The following ANKZF1 variants were observed in gnomAD, a reference collection of about 807,000 sequenced individuals.
The protein encoded by ANKZF1 is ankyrin repeat and zinc finger peptidyl tRNA hydrolase 1.
ANKZF1 carries 84 observed loss-of-function variants against 86.0 expected under a neutral mutation model. The observed-to-expected ratio is 0.98, with a 90% CI of 0.82 to 1.17. ANKZF1 has a LOEUF of 1.17. Ranked by LOEUF, ANKZF1 falls within the 50% of genes most tolerant of loss-of-function variation. ANKZF1 has a pLI of 0.00. For missense variants in ANKZF1, 893 were observed against 918.4 expected (o/e 0.97, Z 0.36); for synonymous variants, 331 against 354.2 (o/e 0.93, Z 0.74).
chr2:219,235,681 T>G, intron 11 of ANKZF1, 27 bp from the exon 12 acceptor site: 1 of 1,613,178 alleles, frequency 6.2e-7, no homozygotes, highest in South Asian at 1.1e-5. Context: ...AGATAACTTA[T>G]AGGGTCTTAT....
chr2:219,236,227 A>G, intron 13 of ANKZF1, 95 bp from the exon 14 acceptor site: 1 of 1,605,282 alleles, frequency 6.2e-7, no homozygotes, highest in Non-Finnish European at 8.5e-7. Flanking sequence ...CAGATGCTGC[A>G]GTGAAAACAG....
Position 219,232,002 on chromosome 2 carries a change from T to A in ANKZF1, c.223T>A (p.Ser75Thr). The change falls in exon 3 of 14, where the codon TCA becomes ACA. Residue 75 changes from serine to threonine, a missense_variant. Physicochemically the swap from Ser to Thr is moderately conservative, Grantham distance 58. Transcript: ENST00000323348. Reference sequence around the variant, plus strand: ...GGATATTTCAGAGAAGTTATTTTGTTCAACTTGTGACCAGACCTTCCAGAA... The same window carrying A: ...GGATATTTCAGAGAAGTTATTTTGTACAACTTGTGACCAGACCTTCCAGAA... ...PMDISEKLFCSTCDQTFQNHQ... is the reference protein window; with the variant it reads ...PMDISEKLFCTTCDQTFQNHQ... The A allele has an allele frequency of 6.2e-7, 1 of 1,613,110 alleles. No homozygotes were observed. Among genetic ancestry groups the A allele is most frequent in the Non-Finnish European group, 8.5e-7 (1 of 1,179,744 alleles).
chr2:219,231,871 C>T, intron 2 of ANKZF1, 57 bp from the exon 3 acceptor site: 1 of 1,380,968 alleles, frequency 7.2e-7, no homozygotes, highest in Non-Finnish European at 1.0e-6. Context: ...GAATATAATT[C>T]TTGTCACTGT....
In ANKZF1 at chr2:219,235,309, T is replaced by C. The variant is rs748502240; in HGVS notation, c.1688T>C (p.Val563Ala). The stretch of plus-strand genomic sequence containing the variant: ...CTGGAAGCAGGTGCTGACCCCACTG[T>C]GCAGTGAGTAAAGGTCCCCATCCTG... Reference protein sequence around the residue: ...LLLEAGADPTVQDSRARPPYT... With the variant: ...LLLEAGADPTAQDSRARPPYT... Residue 563 changes from valine to alanine, a missense_variant, in exon 10 of 14, where the codon GTG (valine) becomes GCG (alanine). By Grantham distance (64) the Val-to-Ala change is moderately conservative. Transcript: ENST00000323348. 2.2e-5 allele frequency: 35 copies of C among 1,609,926 alleles called. 1 individual carries two copies. The East Asian group carries it at 6.2e-4, about 29-fold the overall frequency.
chr2:219,232,148 C>A (rs1482355176), intron 3 of ANKZF1, 108 bp downstream of exon 3: 3 of 1,402,404 alleles, frequency 2.1e-6, no homozygotes, highest in Non-Finnish European at 3.0e-6. Flanking sequence ...TTGACTGAGG[C>A]AGTTGGTGTT....
chr2:219,234,090 TCTC>T (rs753935310), intron 8 of ANKZF1, 40 bp from the exon 9 acceptor site: 68 of 1,589,582 alleles, frequency 4.3e-5, no homozygotes, highest in Non-Finnish European at 5.1e-5. Context: ...TGCGCTAGCT[TCTC>T]CTCAGCTAAG....
rs747126410 is a variant in ANKZF1 at position 219,230,344 on chromosome 2, G to A, written c.87G>A (p.Leu29=). The change falls in exon 2 of 14, where the codon CTG becomes CTA. Residue 29 remains leucine (L), a synonymous_variant. Coordinates refer to ENST00000323348, the MANE Select transcript of ANKZF1 (RefSeq NM_018089.3). The part of the protein sequence containing the change: ...LSADAPVFQG[L]SLVSHAPGEA... ...CGGATGCTCCGGTCTTTCAGGGCCT[G>A]AGCCTGGTGAGCCACGCGCCTGGGG... The A allele has an allele frequency of 1.2e-6, 2 of 1,613,996 alleles. No homozygotes were observed. The highest frequency in any genetic ancestry group is 2.2e-5 in the East Asian group (1 of 44,862).
rs13007650 is a variant in ANKZF1, at chr2:219,231,956, A to C, written c.177A>C (p.Arg59Ser). 8.6e-3 allele frequency: 13,906 copies of C among 1,614,068 alleles called. 101 individuals are homozygous for C. Among genetic ancestry groups the C allele is most frequent in the South Asian group, 0.022 (1,996 of 91,058 alleles). ...SGSGERESPE[R>S]KLLQGPMDIS... ...CAGGGGAGAGAGAAAGCCCAGAAAG[A>C]AAGCTACTCCAGGGTCCTATGGATA... Residue 59 changes from arginine (R) to serine (S), a missense_variant, in exon 3 of 14, where the codon AGA becomes AGC. Arg to Ser is a moderately radical substitution (Grantham distance 110). Transcript: ENST00000323348.
rs1407041035 is a variant in ANKZF1 at position 219,230,365 on chromosome 2, T to C, written c.108T>C (p.Pro36=). Residue 36 remains proline (P), a synonymous_variant, in exon 2 of 14, where the codon CCT becomes CCC. Coordinates refer to ENST00000323348, the MANE Select transcript of ANKZF1 (RefSeq NM_018089.3). ...FQGLSLVSHA[P]GEALARAPRT... The stretch of plus-strand genomic sequence containing the variant: ...GCCTGAGCCTGGTGAGCCACGCGCC[T>C]GGGGAGGCTCTGGCCCGGGCTCCGC... The C allele has an allele frequency of 6.2e-7, 1 of 1,613,540 alleles. No individual in the cohort carries two copies. Among genetic ancestry groups the C allele is most frequent in the African/African-American group, 1.3e-5 (1 of 74,932 alleles).
Position 219,229,956 on chromosome 2 carries a change from T to G in ANKZF1, c.-31+56T>G. ...CGCGGGCCAGTTGTTGCTGGTCGCA[T>G]GGGTAACGAAGAAAGTTCGGCTAGG... On this transcript the variant is annotated intron_variant, in intron 1 of 13. Transcript: ENST00000323348. This position sits in a 1 kb window ranked among gnomAD's most constrained non-coding sequence, Gnocchi z 4.2. The G allele has an allele frequency of 3.2e-5, 9 of 277,176 alleles. No homozygotes were observed. The highest frequency in any genetic ancestry group is 1.5e-4 in the East Asian group (2 of 13,104). The allele number at this position is 277,176 out of a possible 1,614,324, so 17.2% of individuals were successfully genotyped here.
At chr2:219,235,376 T>G in intron 10 of ANKZF1, 64 bp downstream of exon 10, 1 of 1,595,454 alleles carries the variant, frequency 6.3e-7, no homozygotes, top group Non-Finnish European at 8.6e-7. Context: ...AGGTTAAAGT[T>G]GGCATTGGCT....
intron 2 of ANKZF1, 107 bp from the exon 3 acceptor site, chr2:219,231,821 A>G (rs545658555): frequency 2.8e-5 from 25 of 884,540 alleles, no homozygotes; most frequent in Non-Finnish European, 4.3e-5. Flanking sequence ...GTATCATGCC[A>G]TCTCTTTTGT....
At chr2:219,233,583 C>T (rs1016527717) in intron 7 of ANKZF1, 132 bp from the exon 8 acceptor site, 8 of 1,400,262 alleles carry the variant, frequency 5.7e-6, no homozygotes, top group Non-Finnish European at 7.7e-6. Flanking sequence ...CCCCAGGAGC[C>T]TTAGTCCTCT....
At position 219,235,838 on chromosome 2, in the gene ANKZF1, A is replaced by G. The variant is rs778680547; in HGVS notation, c.1934A>G (p.Glu645Gly). 6.8e-6 allele frequency: 11 copies of G among 1,614,072 alleles called. No individual in the cohort carries two copies. Among genetic ancestry groups the G allele is most frequent in the Admixed American group, 6.7e-5 (4 of 60,002 alleles). Residue 645 changes from glutamate (E) to glycine (G), a missense_variant, in exon 12 of 14, where the codon GAG becomes GGG. Physicochemically the swap from Glu to Gly is moderately conservative, Grantham distance 98. Transcript: ENST00000323348. Reference sequence around the variant, plus strand: ...GAGCAGGAGGAGCGTGAACGAGAAGAGCAGCGGCGATTTGCCGCCCTCAGT... The same window carrying G: ...GAGCAGGAGGAGCGTGAACGAGAAGGGCAGCGGCGATTTGCCGCCCTCAGT... Reference protein sequence around the residue: ...QQEQEEREREEQRRFAALSDR... With the variant: ...QQEQEEREREGQRRFAALSDR...
At chr2:219,231,381 TTTTA>T (rs1314180356) in intron 2 of ANKZF1, 2 of 188,440 alleles carry the variant, frequency 1.1e-5, no homozygotes, top group African/African-American at 4.7e-5. Flanking sequence ...TTTACATTCG[TTTTA>T]TTTATTTTAT....
intron 12 of ANKZF1, 31 bp from the exon 13 acceptor site, chr2:219,235,979 C>T (rs770173377): frequency 1.7e-5 from 27 of 1,614,036 alleles, no homozygotes; most frequent in Non-Finnish European, 2.2e-5. Flanking sequence ...GCCACTGGGG[C>T]CTTGTCCTTA....
rs1305471093 is a variant in ANKZF1 at position 219,234,159 on chromosome 2, C to G, written c.1075C>G (p.Leu359Val). 1 of 1,613,518 alleles carries G rather than the reference C, an allele frequency of 6.2e-7. No homozygotes were observed. Among genetic ancestry groups the G allele is most frequent in the African/African-American group, 1.3e-5 (1 of 74,804 alleles). ...YEEDPREAVR[L>V]HSPQTHWKTV... ...AGAAGACCCTCGGGAAGCAGTCAGA[C>G]TGCACTCACCTCAGACACACTGGAA... The change falls in exon 9 of 14, where the codon CTG becomes GTG. Residue 359 changes from leucine (L) to valine (V), a missense_variant. Leu to Val is a conservative substitution (Grantham distance 32, BLOSUM62 1). Coordinates refer to ENST00000323348, the MANE Select transcript of ANKZF1 (RefSeq NM_018089.3).
In ANKZF1 at chr2:219,230,351, G is replaced by GTGA. The variant is rs1172457797; in HGVS notation, c.95_97dup (p.Val32_Ser33insMet). The stretch of plus-strand genomic sequence containing the variant: ...TCCGGTCTTTCAGGGCCTGAGCCTG[G>GTGA]TGAGCCACGCGCCTGGGGAGGCTCT... On this transcript the variant is annotated inframe_insertion, in exon 2 of 14. Transcript: ENST00000323348. 6.2e-7 allele frequency: 1 copy of GTGA among 1,613,934 alleles called. No individual in the cohort carries two copies. Among genetic ancestry groups the GTGA allele is most frequent in the Admixed American group, 1.7e-5 (1 of 60,010 alleles).
chr2:219,236,200 A>G (rs56927225), intron 13 of ANKZF1, 105 bp downstream of exon 13: 178,996 of 1,600,298 alleles, frequency 0.11, 11,569 homozygotes, highest in African/African-American at 0.22. Flanking sequence ...TGGTTGAGGG[A>G]ATTTGGGATG....
Sources: gnomAD v4.1 joint callset for allele counts on GRCh38, gnomAD v4.1.1 for gene constraint, Gnocchi (gnomAD v3.1) non-coding constraint, MANE v1.5 for transcripts, NCBI Gene and HGNC (gene_info 2026-07-23, HGNC 2026-07-21) for gene names.